The following POLB variants were observed in gnomAD, a reference collection of about 807,000 sequenced individuals.
The protein encoded by POLB is 5'-dRP lyase.
A neutral mutation model predicts 52.7 loss-of-function variants in POLB; 37 were observed. That is an observed-to-expected ratio of 0.70 (90% CI 0.54 to 0.92). The LOEUF (loss-of-function observed/expected upper bound fraction) is 0.92. Among genes scored for constraint, POLB ranks in the 40% least tolerant of loss-of-function variants. The probability of loss-of-function intolerance (pLI) is 0.00; values close to 1 mark genes in which losing one functional copy is unlikely to be tolerated. For missense variants in POLB, 313 were observed against 400.8 expected (o/e 0.78, Z 1.87); for synonymous variants, 138 against 131.3 (o/e 1.05, Z -0.35).
intron 9 of POLB, chr8:42,357,728 C>CTT (rs373576053): frequency 3.8e-4 from 56 of 145,492 alleles, no homozygotes; most frequent in Middle Eastern, 3.4e-3. Context: ...TTTCTTTTTC[C>CTT]TTTTTTTTTT....
rs761568644 is a variant in POLB, at chr8:42,352,531, A to G, written c.333A>G (p.Ala111=). The G allele has an allele frequency of 3.0e-5, 48 of 1,602,882 alleles. No individual in the cohort carries two copies. Among genetic ancestry groups the G allele is most frequent in the Non-Finnish European group, 1.6e-5 (19 of 1,169,916 alleles). ...TTTGTTTTTGTAGTCCATCTGCTGC[A>G]AGGAAGTTTGTAGATGAAGGAATTA... The part of the protein sequence containing the change: ...TRVSGIGPSA[A]RKFVDEGIKT... Residue 111 remains alanine, a synonymous_variant, in exon 6 of 14, where the codon GCA becomes GCG. Coordinates refer to ENST00000265421, the MANE Select transcript of POLB (RefSeq NM_002690.3).
intron 4 of POLB, among the ~76,000 whole-genome samples, chr8:42,349,670 G>A (rs1218934090): frequency 6.6e-6 from 1 of 152,214 alleles, no homozygotes; most frequent in Non-Finnish European, 1.5e-5. Context: ...TTACAGGCAT[G>A]AGCCACCATA....
intron 6 of POLB, among the ~76,000 whole-genome samples, chr8:42,355,061 C>T (rs933378726): frequency 6.6e-6 from 1 of 151,726 alleles, no homozygotes; most frequent in African/African-American, 2.4e-5. Flanking sequence ...TTTTTCGAGA[C>T]GGGGTCTTGC....
chr8:42,354,495 T>C, intron 6 of POLB: 1 of 1,266,888 alleles, frequency 7.9e-7, no homozygotes, highest in Non-Finnish European at 1.0e-6. Context: ...TGGGATGTTA[T>C]GACAATTCTT....
At chr8:42,360,260 C>G (rs1343711000) in intron 9 of POLB, among the ~76,000 whole-genome samples, 1 of 151,838 alleles carries the variant, frequency 6.6e-6, no homozygotes, top group Non-Finnish European at 1.5e-5. Context: ...CCCGGCCTGG[C>G]CTTCTTTATA....
intron 2 of POLB, among the ~76,000 whole-genome samples, chr8:42,343,640 A>C (rs1252363832): frequency 6.6e-6 from 1 of 152,084 alleles, no homozygotes; most frequent in Admixed American, 6.6e-5. Context: ...AGGGGGCCCA[A>C]TGATGATTTC....
intron 2 of POLB, chr8:42,342,544 T>C (rs2130775015): frequency 1.3e-6 from 1 of 788,402 alleles, no homozygotes; most frequent in East Asian, 2.4e-5. Context: ...TTTCTGAGCA[T>C]AGTAATCAGT....
chr8:42,342,041 T>G, intron 2 of POLB: 1 of 813,122 alleles, frequency 1.2e-6, no homozygotes, highest in Non-Finnish European at 2.2e-6. Flanking sequence ...ATCTGCAACA[T>G]TCTGGCCTAT....
chr8:42,366,536 CTGGAACTTAAAAAAA>C (rs1824049790), intron 11 of POLB, among the ~76,000 whole-genome samples: 1 of 152,098 alleles, frequency 6.6e-6, no homozygotes, highest in South Asian at 2.1e-4. Context: ...TTCATAGTCC[CTGGAACTTAAAAAAA>C]TACCGTAGTT....
intron 9 of POLB, among the ~76,000 whole-genome samples, chr8:42,359,781 C>CTTTGTT (rs939576676): frequency 6.6e-6 from 1 of 151,406 alleles, no homozygotes; most frequent in Non-Finnish European, 1.5e-5. Flanking sequence ...TGCTCATACA[C>CTTTGTT]TTTGTTTTTG....
intron 2 of POLB, 200 bp downstream of exon 2, chr8:42,339,269 C>G: frequency 1.7e-6 from 1 of 589,062 alleles, no homozygotes; most frequent in Non-Finnish European, 3.1e-6. Flanking sequence ...GTTCCCAATT[C>G]TGATTGCAGA....
At chr8:42,341,400 C>A (rs964190342) in intron 2 of POLB, among the ~76,000 whole-genome samples, 3 of 152,134 alleles carry the variant, frequency 2.0e-5, no homozygotes, top group African/African-American at 7.2e-5. Flanking sequence ...TTTTCAGATT[C>A]ATCATCAGTC....
chr8:42,343,859 T>C (rs1822416386), intron 2 of POLB, among the ~76,000 whole-genome samples: 1 of 152,122 alleles, frequency 6.6e-6, no homozygotes, highest in Non-Finnish European at 1.5e-5. Flanking sequence ...AGGCCAGGCG[T>C]GGTGGCTCAC....
At chr8:42,343,369 T>TATGTATACAC (rs761101423) in intron 2 of POLB, among the ~76,000 whole-genome samples, 382 of 36,316 alleles carry the variant, frequency 0.011, 16 homozygotes, top group Non-Finnish European at 0.02. Context: ...TATATATATA[T>TATGTATACAC]ACACAAAATT....
At chr8:42,367,451 G>A (rs760269930) in intron 11 of POLB, among the ~76,000 whole-genome samples, 5 of 152,090 alleles carry the variant, frequency 3.3e-5, no homozygotes, top group Middle Eastern at 3.2e-3. Flanking sequence ...GCAGGAGTCC[G>A]AGCACCAAGC....
At position 42,340,819 on chromosome 8, in the gene POLB, T is replaced by C. The variant is rs538067129; in HGVS notation, c.119+1750T>C. 2.6e-5 allele frequency among the ~76,000 whole-genome samples: 4 copies of C among 152,348 alleles called. No individual in the cohort carries two copies. The East Asian group carries it at 7.7e-4, about 29-fold the overall frequency. On this transcript the variant is annotated intron_variant, in intron 2 of 13. Coordinates refer to ENST00000265421, the MANE Select transcript of POLB (RefSeq NM_002690.3). ...CTTTCCTTACTTCTGTGACTTCCTC[T>C]GTAAAGTAAAATAATTGTATTATCA...
At chr8:42,366,454 G>T (rs199675954) in intron 11 of POLB, among the ~76,000 whole-genome samples, 1 of 152,248 alleles carries the variant, frequency 6.6e-6, no homozygotes, top group East Asian at 1.9e-4. Flanking sequence ...AGAAACTAAG[G>T]CCTTTATGTT....
Position 42,361,329 on chromosome 8 carries a change from G to C in POLB, c.585G>C (p.Leu195=). ...AESSGDMDVL[L]THPSFTSEST... Reference sequence around the variant, plus strand: ...CCAGTGGTGACATGGATGTTCTCCTGACCCATCCCAGCTTCACTTCAGAAT... The same window carrying C: ...CCAGTGGTGACATGGATGTTCTCCTCACCCATCCCAGCTTCACTTCAGAAT... Residue 195 remains leucine (L), a synonymous_variant, in exon 10 of 14, where the codon CTG becomes CTC. Transcript: ENST00000265421. The C allele has an allele frequency of 6.2e-7, 1 of 1,612,930 alleles. No homozygotes were observed. The highest frequency in any genetic ancestry group is 1.3e-5 in the African/African-American group (1 of 75,004).
chr8:42,369,889 T>G lies in POLB; in HGVS notation c.814T>G (p.Phe272Val). 1 of 1,604,900 alleles carries G rather than the reference T, an allele frequency of 6.2e-7. No individual in the cohort carries two copies. The highest frequency in any genetic ancestry group is 8.5e-7 in the Non-Finnish European group (1 of 1,172,664). The part of the protein sequence containing the change: ...KDQYYCGVLY[F>V]TGSDIFNKNM... ...TCAGTATTACTGTGGTGTTCTCTAT[T>G]TCACTGGGAGTGATATTTTCAATAA... The change falls in exon 13 of 14, where the codon TTC becomes GTC. Residue 272 changes from phenylalanine to valine, a missense_variant. Phe to Val is a conservative substitution (Grantham distance 50, BLOSUM62 -1). Coordinates refer to ENST00000265421, the MANE Select transcript of POLB (RefSeq NM_002690.3).
Sources: gnomAD v4.1 joint callset for allele counts (sites outside exome capture counted in the v4.1 genomes callset) on GRCh38, gnomAD v4.1.1 for gene constraint, MANE v1.5 for transcripts, NCBI Gene and HGNC (gene_info 2026-07-23, HGNC 2026-07-21) for gene names.